Variants in CPNE9 observed in about 807,000 individuals in gnomAD.
CPNE9 encodes copine family member 9, also known as copine-9.
Under a neutral mutation model 83.0 loss-of-function variants are expected in CPNE9, and 59 were observed. The ratio of observed to expected loss-of-function variants is 0.71; its 90% CI spans 0.58 to 0.88. The LOEUF (loss-of-function observed/expected upper bound fraction) is 0.88, where lower values mean the gene tolerates loss of function less well. Among genes scored for constraint, CPNE9 ranks in the 40% least tolerant of loss-of-function variants. CPNE9 has a pLI of 0.00. For synonymous variants in CPNE9, 256 were observed against 273.4 expected, an observed-to-expected ratio of 0.94 and a Z score of 0.63; for missense variants, 619 against 720.8, an observed-to-expected ratio of 0.86 and a Z score of 1.62.
chr3:9,711,352 G>A (rs190458337), intron 7 of CPNE9, among the ~76,000 whole-genome samples: 259 of 151,086 alleles, frequency 1.7e-3, no homozygotes, highest in African/African-American at 6.0e-3. Context: ...ACAGGCGCCC[G>A]CCACCACGCC....
chr3:9,712,945 A>T, intron 9 of CPNE9, 30 bp from the exon 10 acceptor site: 1 of 1,598,440 alleles, frequency 6.3e-7, no homozygotes, highest in Non-Finnish European at 8.6e-7. Flanking sequence ...CACGAGATAA[A>T]TTATACCAAT....
intron 17 of CPNE9, among the ~76,000 whole-genome samples, chr3:9,720,279 G>A (rs1237626516): frequency 2.0e-5 from 3 of 151,770 alleles, no homozygotes; most frequent in African/African-American, 7.3e-5. Flanking sequence ...AGAAAGCTCA[G>A]AAGTAAAAAG....
At chr3:9,726,203 C>CT (rs1210681495) in intron 18 of CPNE9, 152 bp downstream of exon 18, 1 of 549,902 alleles carries the variant, frequency 1.8e-6, no homozygotes, top group African/African-American at 2.0e-5. Context: ...AGATAGAGGA[C>CT]TTTGATTTCC....
chr3:9,720,584 C>T (rs984675436), intron 17 of CPNE9, among the ~76,000 whole-genome samples: 1 of 152,036 alleles, frequency 6.6e-6, no homozygotes, highest in Non-Finnish European at 1.5e-5. Flanking sequence ...AAGAAATCAC[C>T]CTGAATACTG....
chr3:9,707,458 G>A (rs753727020), intron 7 of CPNE9, among the ~76,000 whole-genome samples: 3 of 151,886 alleles, frequency 2.0e-5, no homozygotes, highest in African/African-American at 7.3e-5. Flanking sequence ...ACCAGTGAAG[G>A]AGGGGAGAAG....
Position 9,704,144 on chromosome 3 carries a change from G to A in CPNE9, c.68+80G>A. ...CAGCCGCGGGGCTCAGCCTGGGCAG[G>A]GGCTAGACCCCCGGGGAGAGGCGAA... On this transcript the variant is annotated intron_variant, in intron 1 of 20. Coordinates refer to ENST00000383832, the MANE Select transcript of CPNE9 (RefSeq NM_153635.3). The surrounding 1 kb of genome is among the most constrained non-coding windows in gnomAD (Gnocchi z 7.1). The A allele has an allele frequency of 2.9e-6, 4 of 1,365,622 alleles. No individual in the cohort carries two copies. Among genetic ancestry groups the A allele is most frequent in the Non-Finnish European group, 4.0e-6 (4 of 989,242 alleles). 84.6% of individuals were successfully genotyped at this position (1,365,622 alleles called of 1,614,324 possible).
chr3:9,705,098 G>C lies in CPNE9; in HGVS notation c.260+104G>C, dbSNP rs538641817. On this transcript the variant is annotated intron_variant, in intron 4 of 20. Transcript: ENST00000383832. ...CCTCGCCTCCGGCCTGGTTCTTCTC[G>C]CAGGCCTCCCTCCCATTCTGAATGG... 310 of 827,818 alleles carry C rather than the reference G, an allele frequency of 3.7e-4. No individual in the cohort carries two copies. In the African/African-American group the frequency reaches 4.2e-3, roughly 11 times the overall value. 51.3% of individuals were successfully genotyped at this position (827,818 alleles called of 1,614,324 possible). A position where few individuals can be genotyped will look rare whatever the true frequency, so the allele number is the denominator to read the frequency against.
Position 9,729,496 on chromosome 3 carries a change from G to A in CPNE9, c.1477-11G>A. 3 of 1,606,842 alleles carry A rather than the reference G, an allele frequency of 1.9e-6. No individual in the cohort carries two copies. Among genetic ancestry groups the A allele is most frequent in the Non-Finnish European group, 2.6e-6 (3 of 1,174,546 alleles). ...TCATGGCTTATCTCTTCTTGTCTGT[G>A]CCTGACCCAGTTCGTCCCATTCCGA... On this transcript the variant is annotated splice_polypyrimidine_tract_variant and intron_variant, in intron 20 of 20. Transcript: ENST00000383832.
chr3:9,729,675 G>A lies in CPNE9; in HGVS notation c.1645G>A (p.Ala549Thr). Residue 549 changes from alanine (A) to threonine (T), a missense_variant, in exon 21 of 21, where the codon GCT (alanine) becomes ACT (threonine). Physicochemically the swap from Ala to Thr is moderately conservative, Grantham distance 58 (BLOSUM62 0). Coordinates refer to ENST00000383832, the MANE Select transcript of CPNE9 (RefSeq NM_153635.3). ...CCCTGCCAACCCCAGCCCGATCCCA[G>A]CTCCAGAGCAGCCCTGAGGATTCCA... ...PPPANPSPIPAPEQP is the reference protein window; with the variant it reads ...PPPANPSPIPTPEQP The A allele has an allele frequency of 6.2e-7, 1 of 1,613,414 alleles. No homozygotes were observed. The highest frequency in any genetic ancestry group is 8.5e-7 in the Non-Finnish European group (1 of 1,179,592).
Position 9,717,088 on chromosome 3 carries a change from C to G in CPNE9, c.915C>G (p.Asp305Glu). The G allele has an allele frequency of 6.2e-7, 1 of 1,614,192 alleles. No individual in the cohort carries two copies. Among genetic ancestry groups the G allele is most frequent in the East Asian group, 2.2e-5 (1 of 44,892 alleles). Residue 305 changes from aspartate to glutamate, a missense_variant, in exon 15 of 21, where the codon GAC (aspartate) becomes GAG (glutamate). Asp to Glu is a conservative substitution (Grantham distance 45). Transcript: ENST00000383832. ...AGCTGAACTTCACAGTAGCCATTGA[C>G]TTCACGGCTTCCAATGGTGAGACAC... ...GTQLNFTVAI[D>E]FTASNGNPLQ...
chr3:9,715,507 AAT>A lies in CPNE9; in HGVS notation c.806_807del (p.Tyr269CysfsTer16). ...CCTCGGAAGAAATGTAAGAAGAAGA[AAT>A]ATGTCAACTCAGGAACTGTGAGTGC... On this transcript the variant is annotated frameshift_variant, in exon 13 of 21. Transcript: ENST00000383832. LOFTEE classifies it high-confidence loss of function. The A allele has an allele frequency of 1.2e-6, 2 of 1,614,050 alleles. No homozygotes were observed. The highest frequency in any genetic ancestry group is 1.7e-6 in the Non-Finnish European group (2 of 1,179,906).
Position 9,723,535 on chromosome 3 carries a change from G to A in CPNE9, c.1242-2414G>A, listed in dbSNP as rs142616424. Among the ~76,000 whole-genome samples, 303 of 151,640 alleles carry A rather than the reference G, an allele frequency of 2.0e-3. 2 individuals carry two copies. Among genetic ancestry groups the A allele is most frequent in the Non-Finnish European group, 2.6e-3 (179 of 67,912 alleles). ...CCACTCTGGGCCCTGGGCAAACTGA[G>A]CCAAAATTATTTTATTTTATTATTT... On this transcript the variant is annotated intron_variant, in intron 17 of 20. Coordinates refer to ENST00000383832, the MANE Select transcript of CPNE9 (RefSeq NM_153635.3).
chr3:9,720,010 C>CATAT (rs1308919043), intron 17 of CPNE9, among the ~76,000 whole-genome samples: 1 of 147,472 alleles, frequency 6.8e-6, no homozygotes, highest in African/African-American at 2.5e-5. Flanking sequence ...TATATATATA[C>CATAT]ATATATATAT....
intron 17 of CPNE9, among the ~76,000 whole-genome samples, chr3:9,723,971 A>G (rs1360977568): frequency 6.6e-6 from 1 of 152,214 alleles, no homozygotes; most frequent in Non-Finnish European, 1.5e-5. Context: ...GTGCAGGCCA[A>G]TATGGTACTC....
intron 10 of CPNE9, among the ~76,000 whole-genome samples, chr3:9,713,875 TC>T (rs1234892667): frequency 6.6e-6 from 1 of 151,858 alleles, no homozygotes; most frequent in East Asian, 1.9e-4. Context: ...ATCGAGACCA[TC>T]CTGGCTAACA....
intron 17 of CPNE9, among the ~76,000 whole-genome samples, chr3:9,721,533 G>A (rs568454521): frequency 1.3e-5 from 2 of 152,188 alleles, no homozygotes. Context: ...GGTGGGTGGA[G>A]CAGTATCCTA....
intron 20 of CPNE9, chr3:9,727,592 A>T (rs1350513812): frequency 1.7e-6 from 1 of 597,426 alleles, no homozygotes; most frequent in Admixed American, 2.9e-5. Flanking sequence ...TAAGCATTAC[A>T]GGGAGAGGAG....
In CPNE9 at chr3:9,729,734, C is replaced by T. The variant is rs1267560489; in HGVS notation, c.*42C>T. On this transcript the variant is annotated 3_prime_UTR_variant, in exon 21 of 21. Transcript: ENST00000383832. The stretch of plus-strand genomic sequence containing the variant: ...ATGCCTCACAGTCTGCAAGCCTGCT[C>T]ACCCACTGCTTCTGCTTTAAGCCAG... The T allele has an allele frequency of 6.4e-7, 1 of 1,567,868 alleles. No homozygotes were observed. The highest frequency in any genetic ancestry group is 1.2e-5 in the South Asian group (1 of 86,444).
chr3:9,718,591 C>A lies in CPNE9; in HGVS notation c.1230C>A (p.Asn410Lys). Residue 410 changes from asparagine (N) to lysine (K), a missense_variant, in exon 17 of 21, where the codon AAC becomes AAA. Asn to Lys is a moderately conservative substitution (Grantham distance 94, BLOSUM62 0). This residue lies in a region of CPNE9 where 438 missense variants were observed against 562.9 expected (regional missense o/e 0.78). Coordinates refer to ENST00000383832, the MANE Select transcript of CPNE9 (RefSeq NM_153635.3). The part of the protein sequence containing the change: ...YGPTYFAPVI[N>K]QVARAAAKIS... ...CCACCTACTTTGCTCCTGTCATCAA[C>A]CAAGTGGCCAGGTAAGGGAACTGGG... is the stretch of plus-strand genomic sequence containing the variant. 1 of 1,612,686 alleles carries A rather than the reference C, an allele frequency of 6.2e-7. No homozygotes were observed. Among genetic ancestry groups the A allele is most frequent in the Non-Finnish European group, 8.5e-7 (1 of 1,179,020 alleles).
Sources: allele counts gnomAD v4.1 joint callset (sites outside exome capture counted in the v4.1 genomes callset), GRCh38; gene constraint gnomAD v4.1.1; regional missense constraint gnomAD v4.1.1; non-coding constraint Gnocchi (gnomAD v3.1); transcripts MANE v1.5; gene names NCBI Gene and HGNC (gene_info 2026-07-23, HGNC 2026-07-21).